The following GJD3 variants were observed in gnomAD, a reference collection of about 807,000 sequenced individuals.
GJD3 encodes gap junction delta-3 protein.
For synonymous variants in GJD3, 217 were observed against 226.7 expected (o/e 0.96, Z 0.38); for missense variants, 421 against 448.5 (o/e 0.94, Z 0.55).
rs2034764917 is a variant in GJD3, at chr17:40,362,913, G to C, written c.*18C>G. On this transcript the variant is annotated 3_prime_UTR_variant, in exon 1 of 1. Transcript: ENST00000578689. ...GTCCGGCCCTCGCCGTCCAGTCCGC[G>C]CGAGGCGGTGCCCGCCCCTAGATGG... The C allele has an allele frequency of 6.6e-6, 8 of 1,207,806 alleles. No homozygotes were observed. Among genetic ancestry groups the C allele is most frequent in the African/African-American group, 1.6e-5 (1 of 62,914 alleles). The allele number at this position is 1,207,806 out of a possible 1,614,324, so 74.8% of individuals were successfully genotyped here. A position where few individuals can be genotyped will look rare whatever the true frequency, so the allele number is the denominator to read the frequency against.
chr17:40,363,085 G>T lies in GJD3; in HGVS notation c.731C>A (p.Pro244Gln). ...AQKLLPPPPP[P>Q]PPPPALPSRR... ...GGAGGGCAGGGCCGGTGGCGGAGGT[G>T]GCGGCGGCGGCGGCGGGAGCAGCTT... The change falls in exon 1 of 1, where the codon CCA becomes CAA. Residue 244 changes from proline (P) to glutamine (Q), a missense_variant. By Grantham distance (76) the Pro-to-Gln change is moderately conservative. Coordinates refer to ENST00000578689, the MANE Select transcript of GJD3 (RefSeq NM_152219.4). The surrounding 1 kb of genome is among the most constrained non-coding windows in gnomAD (Gnocchi z 5.5). The T allele has an allele frequency of 8.3e-6, 10 of 1,200,554 alleles. No homozygotes were observed. The highest frequency in any genetic ancestry group is 9.4e-6 in the Non-Finnish European group (9 of 956,204). The allele number at this position is 1,200,554 out of a possible 1,614,324, so 74.4% of individuals were successfully genotyped here. A position where few individuals can be genotyped will look rare whatever the true frequency, so the allele number is the denominator to read the frequency against.
chr17:40,361,021 C>A lies in GJD3; in HGVS notation c.*1910G>T. Reference sequence around the variant, plus strand: ...AAGGGGAGAGAGCAATGCCATCCTGCAGGAGAAGTGCTTTCCCTACGGAAG... The same window carrying A: ...AAGGGGAGAGAGCAATGCCATCCTGAAGGAGAAGTGCTTTCCCTACGGAAG... On this transcript the variant is annotated 3_prime_UTR_variant, in exon 1 of 1. Transcript: ENST00000578689. The A allele has an allele frequency of 2.2e-6, 1 of 456,632 alleles. No homozygotes were observed. The highest frequency in any genetic ancestry group is 4.4e-6 in the Non-Finnish European group (1 of 226,918). The allele number at this position is 456,632 out of a possible 1,614,324, so 28.3% of individuals were successfully genotyped here. A position where few individuals can be genotyped will look rare whatever the true frequency, so the allele number is the denominator to read the frequency against.
Position 40,364,573 on chromosome 17 carries a change from C to G in GJD3, c.-758G>C. 6.0e-6 allele frequency: 1 copy of G among 167,380 alleles called. No homozygotes were observed. 10.4% of individuals were successfully genotyped at this position (167,380 alleles called of 1,614,324 possible). On this transcript the variant is annotated 5_prime_UTR_variant, in exon 1 of 1. Transcript: ENST00000578689. ...CACTTACACAGGTCCCCACACGCCC[C>G]TGGTGCCCCTAAACCGCCACCCAAC... is the stretch of plus-strand genomic sequence containing the variant.
Position 40,363,582 on chromosome 17 carries a change from C to T in GJD3, c.234G>A (p.Trp78Ter). The T allele has an allele frequency of 1.3e-6, 2 of 1,596,742 alleles. No individual in the cohort carries two copies. Among genetic ancestry groups the T allele is most frequent in the South Asian group, 1.1e-5 (1 of 88,474 alleles). ...RAFPVSHYRF[W>*]LFHILLLSAP... ...CCGAGAGCAGCAGGATGTGGAAGAG[C>T]CAGAAGCGGTAGTGGGAGACCGGGA... The change falls in exon 1 of 1, where the codon TGG becomes TGA. Residue 78 changes from tryptophan (W) to a stop codon, truncating the protein, a stop_gained. Transcript: ENST00000578689. LOFTEE classifies it low-confidence loss of function (END_TRUNC). This position sits in a 1 kb window ranked among gnomAD's most constrained non-coding sequence, Gnocchi z 5.5.
Position 40,363,925 on chromosome 17 carries a change from G to A in GJD3, c.-110C>T, listed in dbSNP as rs890752797. On this transcript the variant is annotated 5_prime_UTR_variant, in exon 1 of 1. Coordinates refer to ENST00000578689, the MANE Select transcript of GJD3 (RefSeq NM_152219.4). The surrounding 1 kb of genome is among the most constrained non-coding windows in gnomAD (Gnocchi z 5.5). ...GTTGGACCTTCTCTGACTTCAGGGT[G>A]AGTCGTGAGGTAGGAGAGGCCCGGG... The A allele has an allele frequency of 1.6e-5, 22 of 1,411,918 alleles. No homozygotes were observed. The highest frequency in any genetic ancestry group is 2.0e-5 in the Non-Finnish European group (21 of 1,059,248). The allele number at this position is 1,411,918 out of a possible 1,614,324, so 87.5% of individuals were successfully genotyped here.
In GJD3 at chr17:40,363,268, C is replaced by T. The variant is rs1319539856; in HGVS notation, c.548G>A (p.Arg183Gln). Residue 183 changes from arginine to glutamine, a missense_variant, in exon 1 of 1, where the codon CGG becomes CAG. Transcript: ENST00000578689. The surrounding 1 kb of genome is among the most constrained non-coding windows in gnomAD (Gnocchi z 5.5). Reference sequence around the variant, plus strand: ...CACGAAGACGGTCTTCTCGGTGGGCCGGCTCACGAAGCAGTCGACCGTGTG... The same window carrying T: ...CACGAAGACGGTCTTCTCGGTGGGCTGGCTCACGAAGCAGTCGACCGTGTG... ...CPHTVDCFVS[R>Q]PTEKTVFVLF... The T allele has an allele frequency of 2.1e-6, 3 of 1,433,666 alleles. No individual in the cohort carries two copies. Among genetic ancestry groups the T allele is most frequent in the South Asian group, 1.4e-5 (1 of 73,878 alleles). The allele number at this position is 1,433,666 out of a possible 1,614,324, so 88.8% of individuals were successfully genotyped here.
rs1340565648 is a variant in GJD3, at chr17:40,363,181, A to G, written c.635T>C (p.Leu212Pro). The G allele has an allele frequency of 9.7e-6, 14 of 1,443,386 alleles. No individual in the cohort carries two copies. Among genetic ancestry groups the G allele is most frequent in the Non-Finnish European group, 1.3e-5 (14 of 1,096,728 alleles). 89.4% of individuals were successfully genotyped at this position (1,443,386 alleles called of 1,614,324 possible). ...GGCGCGCGGGCGGCCCTTCCAGAGC[A>G]GGTGGCCCAGCTCGGCTACGCTGAG... ...ALLSVAELGHLLWKGRPRAGE... is the reference protein window; with the variant it reads ...ALLSVAELGHPLWKGRPRAGE... Residue 212 changes from leucine (L) to proline (P), a missense_variant, in exon 1 of 1, where the codon CTG (leucine) becomes CCG (proline). Coordinates refer to ENST00000578689, the MANE Select transcript of GJD3 (RefSeq NM_152219.4). The surrounding 1 kb of genome is among the most constrained non-coding windows in gnomAD (Gnocchi z 5.5).
At position 40,364,103 on chromosome 17, in the gene GJD3, G is replaced by C. The variant is rs946209032; in HGVS notation, c.-288C>G. 1 of 364,216 alleles carries C rather than the reference G, an allele frequency of 2.7e-6. No individual in the cohort carries two copies. The allele number at this position is 364,216 out of a possible 1,614,324, so 22.6% of individuals were successfully genotyped here. ...TAGCCGCACCCCCTGAGCCGTCTCC[G>C]TTCGACCCTGGGATCCTCCAGATCC... On this transcript the variant is annotated 5_prime_UTR_variant, in exon 1 of 1. Transcript: ENST00000578689.
chr17:40,363,351 C>T lies in GJD3; in HGVS notation c.465G>A (p.Ala155=), dbSNP rs2034770529. Residue 155 remains alanine (A), a synonymous_variant, in exon 1 of 1, where the codon GCG becomes GCA. Transcript: ENST00000578689. The surrounding 1 kb of genome is among the most constrained non-coding windows in gnomAD (Gnocchi z 5.5). ...LAELTFLGGQ[A]LLYGFRVAPH... is the part of the protein sequence containing the mutation. ...GGGCCACGCGGAAGCCGTAGAGCAG[C>T]GCCTGGCCGCCCAGGAAGGTCAGCT... 8.5e-6 allele frequency: 12 copies of T among 1,411,206 alleles called. No individual in the cohort carries two copies. Among genetic ancestry groups the T allele is most frequent in the Non-Finnish European group, 1.1e-5 (12 of 1,080,334 alleles). The allele number at this position is 1,411,206 out of a possible 1,614,324, so 87.4% of individuals were successfully genotyped here.
chr17:40,362,036 G>GA lies in GJD3; in HGVS notation c.*894dup, dbSNP rs1232211852. Among the ~76,000 whole-genome samples, 5 of 152,122 alleles carry GA rather than the reference G, an allele frequency of 3.3e-5. No homozygotes were observed. The highest frequency in any genetic ancestry group is 7.4e-5 in the Non-Finnish European group (5 of 67,992). On this transcript the variant is annotated 3_prime_UTR_variant, in exon 1 of 1. Coordinates refer to ENST00000578689, the MANE Select transcript of GJD3 (RefSeq NM_152219.4). ...TGGGCGGGGTCTCTTGGGAGGGGGG[G>GA]ACAGACCTCCTGTGATGCCCTGGCA...
chr17:40,363,388 C>G lies in GJD3; in HGVS notation c.428G>C (p.Arg143Pro), dbSNP rs2034771015. ...CAGGAAGGTCAGCTCGGCCAGCAGG[C>G]GCAGCGCCACGCTCAGCAGGTAGCA... Reference protein sequence around the residue: ...RRCYLLSVALRLLAELTFLGG... With the variant: ...RRCYLLSVALPLLAELTFLGG... The change falls in exon 1 of 1, where the codon CGC becomes CCC. Residue 143 changes from arginine to proline, a missense_variant. Physicochemically the swap from Arg to Pro is moderately radical, Grantham distance 103. Transcript: ENST00000578689. This position sits in a 1 kb window ranked among gnomAD's most constrained non-coding sequence, Gnocchi z 5.5. 7.2e-7 allele frequency: 1 copy of G among 1,385,398 alleles called. No homozygotes were observed. The highest frequency in any genetic ancestry group is 9.4e-7 in the Non-Finnish European group (1 of 1,069,168). 85.8% of individuals were successfully genotyped at this position (1,385,398 alleles called of 1,614,324 possible).
In GJD3 at chr17:40,361,146, G is replaced by A; in HGVS notation, c.*1785C>T. ...CCAAGTGACAACAATAGGTGGGTGGGCATTAGCTAGGGGAGGAGAAGGCTG... is the reference window on the plus strand; with the variant it reads ...CCAAGTGACAACAATAGGTGGGTGGACATTAGCTAGGGGAGGAGAAGGCTG... On this transcript the variant is annotated 3_prime_UTR_variant, in exon 1 of 1. Coordinates refer to ENST00000578689, the MANE Select transcript of GJD3 (RefSeq NM_152219.4). 1 of 404,364 alleles carries A rather than the reference G, an allele frequency of 2.5e-6. No homozygotes were observed. Among genetic ancestry groups the A allele is most frequent in the East Asian group, 7.7e-5 (1 of 13,006 alleles). 25.0% of individuals were successfully genotyped at this position (404,364 alleles called of 1,614,324 possible).
rs1373131595 is a variant in GJD3 at position 40,361,019 on chromosome 17, T to C, written c.*1912A>G. Reference sequence around the variant, plus strand: ...GGAAGGGGAGAGAGCAATGCCATCCTGCAGGAGAAGTGCTTTCCCTACGGA... The same window carrying C: ...GGAAGGGGAGAGAGCAATGCCATCCCGCAGGAGAAGTGCTTTCCCTACGGA... On this transcript the variant is annotated 3_prime_UTR_variant, in exon 1 of 1. Transcript: ENST00000578689. 3 of 456,554 alleles carry C rather than the reference T, an allele frequency of 6.6e-6. No homozygotes were observed. The highest frequency in any genetic ancestry group is 6.0e-5 in the African/African-American group (3 of 50,072). The allele number at this position is 456,554 out of a possible 1,614,324, so 28.3% of individuals were successfully genotyped here.
At position 40,363,699 on chromosome 17, in the gene GJD3, C is replaced by T. The variant is rs758730521; in HGVS notation, c.117G>A (p.Thr39=). ...MLIFRILVLA[T]VGGAVFEDEQ... ...CGTCCTCGAACACGGCGCCGCCCAC[C>T]GTGGCCAGCACCAGGATGCGGAAGA... The change falls in exon 1 of 1, where the codon ACG becomes ACA. Residue 39 remains threonine, a synonymous_variant. Coordinates refer to ENST00000578689, the MANE Select transcript of GJD3 (RefSeq NM_152219.4). The surrounding 1 kb of genome is among the most constrained non-coding windows in gnomAD (Gnocchi z 5.5). 1 of 1,610,168 alleles carries T rather than the reference C, an allele frequency of 6.2e-7. No individual in the cohort carries two copies. The highest frequency in any genetic ancestry group is 1.3e-5 in the African/African-American group (1 of 74,910).
Position 40,361,848 on chromosome 17 carries a change from C to G in GJD3, c.*1083G>C, listed in dbSNP as rs2034754432. Reference sequence around the variant, plus strand: ...GAAGATGGAGGAGGGAGGCATAACACACGTCTGGGTTGCCCTCTGGCCCGC... The same window carrying G: ...GAAGATGGAGGAGGGAGGCATAACAGACGTCTGGGTTGCCCTCTGGCCCGC... On this transcript the variant is annotated 3_prime_UTR_variant, in exon 1 of 1. Transcript: ENST00000578689. Among the ~76,000 whole-genome samples, 1 of 151,994 alleles carries G rather than the reference C, an allele frequency of 6.6e-6. No individual in the cohort carries two copies. The highest frequency in any genetic ancestry group is 6.6e-5 in the Admixed American group (1 of 15,254).
In GJD3 at chr17:40,364,127, C is replaced by T. The variant is rs1294552831; in HGVS notation, c.-312G>A. On this transcript the variant is annotated 5_prime_UTR_variant, in exon 1 of 1. Coordinates refer to ENST00000578689, the MANE Select transcript of GJD3 (RefSeq NM_152219.4). ...CGTTCGACCCTGGGATCCTCCAGAT[C>T]CCAGATTCTTAGGAAGGACCTTGGA... 2 of 286,654 alleles carry T rather than the reference C, an allele frequency of 7.0e-6. No homozygotes were observed. The highest frequency in any genetic ancestry group is 1.4e-5 in the Non-Finnish European group (2 of 141,770). The allele number at this position is 286,654 out of a possible 1,614,324, so 17.8% of individuals were successfully genotyped here.
Position 40,361,971 on chromosome 17 carries a change from C to A in GJD3, c.*960G>T, listed in dbSNP as rs4420582. ...GCTCATAGGCTCCCGAGGATTGAGGCCTGCCCGGGGAAAGGGAGCCTCTCC... is the reference window on the plus strand; with the variant it reads ...GCTCATAGGCTCCCGAGGATTGAGGACTGCCCGGGGAAAGGGAGCCTCTCC... On this transcript the variant is annotated 3_prime_UTR_variant, in exon 1 of 1. Coordinates refer to ENST00000578689, the MANE Select transcript of GJD3 (RefSeq NM_152219.4). Among the ~76,000 whole-genome samples the A allele has an allele frequency of 0.13, 19,835 of 148,506 alleles. 3,111 individuals are homozygous for A. Among genetic ancestry groups the A allele is most frequent in the African/African-American group, 0.38 (15,533 of 40,674 alleles).
At position 40,362,030 on chromosome 17, in the gene GJD3, G is replaced by T. The variant is rs1365110032; in HGVS notation, c.*901C>A. On this transcript the variant is annotated 3_prime_UTR_variant, in exon 1 of 1. Transcript: ENST00000578689. Reference sequence around the variant, plus strand: ...CCTCCCTGGGCGGGGTCTCTTGGGAGGGGGGGACAGACCTCCTGTGATGCC... The same window carrying T: ...CCTCCCTGGGCGGGGTCTCTTGGGATGGGGGGACAGACCTCCTGTGATGCC... Among the ~76,000 whole-genome samples, 1 of 152,086 alleles carries T rather than the reference G, an allele frequency of 6.6e-6. No individual in the cohort carries two copies. The highest frequency in any genetic ancestry group is 1.5e-5 in the Non-Finnish European group (1 of 67,988).
Position 40,363,415 on chromosome 17 carries a change from C to G in GJD3, c.401G>C (p.Arg134Pro). Residue 134 changes from arginine (R) to proline (P), a missense_variant, in exon 1 of 1, where the codon CGC becomes CCC. Transcript: ENST00000578689. This position sits in a 1 kb window ranked among gnomAD's most constrained non-coding sequence, Gnocchi z 5.5. ...CAGCGCCACGCTCAGCAGGTAGCAG[C>G]GGCGCGCGCGGCGGGCGCGCAGGGC... is the stretch of plus-strand genomic sequence containing the variant. ...PCALRARRAR[R>P]CYLLSVALRL... The G allele has an allele frequency of 7.6e-7, 1 of 1,312,040 alleles. No homozygotes were observed. The highest frequency in any genetic ancestry group is 4.2e-5 in the Admixed American group (1 of 24,030). 81.3% of individuals were successfully genotyped at this position (1,312,040 alleles called of 1,614,324 possible).
Sources: gnomAD v4.1 joint callset for allele counts (sites outside exome capture counted in the v4.1 genomes callset) on GRCh38, gnomAD v4.1.1 for gene constraint, Gnocchi (gnomAD v3.1) non-coding constraint, MANE v1.5 for transcripts, NCBI Gene and HGNC (gene_info 2026-07-23, HGNC 2026-07-21) for gene names.